Variants in OTOP1 observed in about 807,000 individuals in gnomAD.
OTOP1 encodes otopetrin 1.
A neutral mutation model predicts 52.9 loss-of-function variants in OTOP1; 59 were observed. The observed-to-expected ratio is 1.12, with a 90% confidence interval of 0.91 to 1.39. OTOP1 has a LOEUF of 1.39. Ranked by LOEUF, OTOP1 falls within the 40% of genes most tolerant of loss-of-function variation. OTOP1 has a pLI of 0.00. For missense variants in OTOP1, 761 were observed against 800.9 expected, an observed-to-expected ratio of 0.95 and a Z score of 0.60; for synonymous variants, 317 against 337.7, an observed-to-expected ratio of 0.94 and a Z score of 0.67.
At chr4:4,206,155 GA>G in intron 2 of OTOP1, 25 bp from the exon 3 acceptor site, 1 of 1,558,834 alleles carries the variant, frequency 6.4e-7, no homozygotes, top group African/African-American at 1.4e-5. Context: ...AGAAAGAAAA[GA>G]AAAATCGGTG....
chr4:4,215,521 T>C (rs1808067), intron 1 of OTOP1, among the ~76,000 whole-genome samples: 40,369 of 151,546 alleles, frequency 0.27, 6,575 homozygotes, highest in African/African-American at 0.45. Flanking sequence ...AATTAGCGGG[T>C]GTGGTGGTAC....
Position 4,197,721 on chromosome 4 carries a change from A to G in OTOP1, c.1113T>C (p.Ile371=), listed in dbSNP as rs765210936. 1 of 1,613,570 alleles carries G rather than the reference A, an allele frequency of 6.2e-7. No individual in the cohort carries two copies. Among genetic ancestry groups the G allele is most frequent in the Admixed American group, 1.7e-5 (1 of 59,958 alleles). ...CCAGTGACTTCTCGTCTATCCTGTA[A>G]ATCCGGATTCCAGCCAGCCCCGCAG... ...MGAAGLAGIR[I]YRIDEKSLDE... is the part of the protein sequence containing the mutation. Residue 371 remains isoleucine (I), a synonymous_variant, in exon 5 of 6, where the codon ATT becomes ATC. Coordinates refer to ENST00000296358, the MANE Select transcript of OTOP1 (RefSeq NM_177998.3).
At chr4:4,189,607 G>A (rs1203532119) in intron 5 of OTOP1, among the ~76,000 whole-genome samples, 1 of 152,152 alleles carries the variant, frequency 6.6e-6, no homozygotes, top group Non-Finnish European at 1.5e-5. Flanking sequence ...TGCACCTAAC[G>A]ACTCACTTCC....
In OTOP1 at chr4:4,198,559, C is replaced by T. The variant is rs2108797756; in HGVS notation, c.731-456G>A. On this transcript the variant is annotated intron_variant, in intron 4 of 5. Transcript: ENST00000296358. The stretch of plus-strand genomic sequence containing the variant: ...AAGTTTTCTCTGTGAAGATGATTTA[C>T]ATGTGTGATTTTTCAACATTATTTT... Among the ~76,000 whole-genome samples the T allele has an allele frequency of 1.3e-5, 2 of 152,272 alleles. 1 individual carries two copies.
chr4:4,214,693 C>G (rs1362782841), intron 1 of OTOP1, among the ~76,000 whole-genome samples: 1 of 152,174 alleles, frequency 6.6e-6, no homozygotes, highest in Non-Finnish European at 1.5e-5. Context: ...GTAAAATAAA[C>G]TCAACCACCA....
At position 4,188,870 on chromosome 4, in the gene OTOP1, A is replaced by C; in HGVS notation, c.1772T>G (p.Met591Arg). 2 of 1,613,974 alleles carry C rather than the reference A, an allele frequency of 1.2e-6. No homozygotes were observed. The highest frequency in any genetic ancestry group is 1.7e-6 in the Non-Finnish European group (2 of 1,179,842). The change falls in exon 6 of 6, where the codon ATG (methionine) becomes AGG (arginine). Residue 591 changes from methionine to arginine, a missense_variant. Met to Arg is a moderately conservative substitution (Grantham distance 91). This residue lies in a region of OTOP1 where 632 missense variants were observed against 619.5 expected (regional missense o/e 1.02). Coordinates refer to ENST00000296358, the MANE Select transcript of OTOP1 (RefSeq NM_177998.3). ...CATTCGATAGAAAATAGAAAAAGGC[A>C]TGGCCAGGTTGACCACAATTATCCA... ...EPWIIVVNLA[M>R]PFSIFYRMHA...
chr4:4,225,708 C>T (rs1259880467), intron 1 of OTOP1, among the ~76,000 whole-genome samples: 1 of 152,164 alleles, frequency 6.6e-6, no homozygotes, highest in East Asian at 1.9e-4. Context: ...TTATTTCATT[C>T]ATACCCCCTC....
chr4:4,215,696 A>C (rs898611737), intron 1 of OTOP1, among the ~76,000 whole-genome samples: 7 of 152,156 alleles, frequency 4.6e-5, no homozygotes, highest in African/African-American at 1.4e-4. Context: ...TATAAGAAAT[A>C]AGAGTGCAGA....
intron 4 of OTOP1, among the ~76,000 whole-genome samples, chr4:4,201,154 C>T (rs566231728): frequency 5.3e-5 from 8 of 152,262 alleles, no homozygotes; most frequent in South Asian, 2.1e-4. Flanking sequence ...TGAGGCCAGG[C>T]GCAGTGGCTC....
chr4:4,220,164 G>A (rs1374469728), intron 1 of OTOP1, among the ~76,000 whole-genome samples: 11 of 139,672 alleles, frequency 7.9e-5, no homozygotes, highest in East Asian at 2.1e-4. Flanking sequence ...GTGCAATGGC[G>A]CAAGCTCTGC....
At position 4,220,537 on chromosome 4, in the gene OTOP1, C is replaced by T. The variant is rs182806697; in HGVS notation, c.403+5925G>A. 1.1e-3 allele frequency among the ~76,000 whole-genome samples: 161 copies of T among 152,256 alleles called. 1 individual carries two copies. The highest frequency in any genetic ancestry group is 1.7e-3 in the Non-Finnish European group (116 of 68,042). ...ACTTAACTTACCTTTGCCTCAGTTTCCCCATCTCTAAGATGTAATGACAGT... is the reference window on the plus strand; with the variant it reads ...ACTTAACTTACCTTTGCCTCAGTTTTCCCATCTCTAAGATGTAATGACAGT... On this transcript the variant is annotated intron_variant, in intron 1 of 5. Coordinates refer to ENST00000296358, the MANE Select transcript of OTOP1 (RefSeq NM_177998.3).
intron 4 of OTOP1, among the ~76,000 whole-genome samples, chr4:4,199,364 A>G (rs955373200): frequency 3.3e-5 from 5 of 151,940 alleles, no homozygotes; most frequent in African/African-American, 9.7e-5. Context: ...ACTGCACATT[A>G]TAATTAAGAT....
At chr4:4,207,994 G>C (rs1716944345) in intron 2 of OTOP1, among the ~76,000 whole-genome samples, 1 of 152,184 alleles carries the variant, frequency 6.6e-6, no homozygotes, top group Admixed American at 6.5e-5. Flanking sequence ...ACATGTGAGA[G>C]GGGGTAGAGG....
intron 4 of OTOP1, among the ~76,000 whole-genome samples, chr4:4,201,839 C>T (rs1716795348): frequency 6.6e-6 from 1 of 152,156 alleles, no homozygotes; most frequent in African/African-American, 2.4e-5. Flanking sequence ...TTCCCTGCCC[C>T]ACATTCCCCT....
At chr4:4,211,788 AAAC>A (rs1487243900) in intron 2 of OTOP1, among the ~76,000 whole-genome samples, 2 of 152,140 alleles carry the variant, frequency 1.3e-5, no homozygotes, top group Admixed American at 1.3e-4. Context: ...TAATAAATAA[AAAC>A]AAAATAACCT....
chr4:4,210,430 G>C (rs1475877407), intron 2 of OTOP1, among the ~76,000 whole-genome samples: 1 of 152,138 alleles, frequency 6.6e-6, no homozygotes, highest in East Asian at 1.9e-4. Context: ...TCAAGGTGTT[G>C]GTTCCTTTTG....
At chr4:4,208,040 C>T (rs1432745743) in intron 2 of OTOP1, among the ~76,000 whole-genome samples, 1 of 152,150 alleles carries the variant, frequency 6.6e-6, no homozygotes, top group African/African-American at 2.4e-5. Context: ...CTCAGCGAAC[C>T]TGCATTCCTA....
At chr4:4,224,348 A>G (rs1717376928) in intron 1 of OTOP1, among the ~76,000 whole-genome samples, 1 of 149,182 alleles carries the variant, frequency 6.7e-6, no homozygotes, top group East Asian at 1.9e-4. Context: ...CTCCATCTCA[A>G]AAAAAAAAAA....
rs116865735 is a variant in OTOP1, at chr4:4,190,512, G to A, written c.1669-1539C>T. On this transcript the variant is annotated intron_variant, in intron 5 of 5. Coordinates refer to ENST00000296358, the MANE Select transcript of OTOP1 (RefSeq NM_177998.3). ...AATAAATTCAAAAAATAAAATGGTT[G>A]GTTGTGTCTGTAGTGAATATGTACA... 9.7e-3 allele frequency among the ~76,000 whole-genome samples: 1,478 copies of A among 152,144 alleles called. 51 individuals carry two copies. In the East Asian group the frequency reaches 0.13, roughly 13 times the overall value.
Sources: gnomAD v4.1 joint callset for allele counts (sites outside exome capture counted in the v4.1 genomes callset) on GRCh38, gnomAD v4.1.1 for gene constraint, gnomAD v4.1.1 regional missense constraint, MANE v1.5 for transcripts, NCBI Gene and HGNC (gene_info 2026-07-23, HGNC 2026-07-21) for gene names.